The following MYOM3 variants were observed in gnomAD, a reference collection of about 807,000 sequenced individuals.
MYOM3 encodes myomesin 3.
In MYOM3, 155 loss-of-function variants were observed where a neutral mutation model predicts 191.7. The observed-to-expected ratio is 0.81, with a 90% CI of 0.71 to 0.92. MYOM3 has a LOEUF of 0.92. Ranked by LOEUF, MYOM3 falls within the 40% of genes least tolerant of loss-of-function variation. The probability of loss-of-function intolerance (pLI) is 0.00; values close to 1 mark genes in which losing one functional copy is unlikely to be tolerated. For missense variants in MYOM3, 1,889 were observed against 1,890.6 expected (o/e 1.00, Z 0.02); for synonymous variants, 757 against 762.9 (o/e 0.99, Z 0.13).
intron 10 of MYOM3, 24 bp from the exon 11 acceptor site, chr1:24,092,339 G>A (rs1270138677): frequency 1.0e-5 from 14 of 1,347,258 alleles, no homozygotes; most frequent in Non-Finnish European, 1.2e-5. Context: ...GTGAGAGGGA[G>A]GCCCTTCTAG....
Position 24,081,294 on chromosome 1 carries a change from GGCAGGCACTGGACTTCAGGCCT to G in MYOM3, c.2407+14_2407+35del. 1 of 1,610,226 alleles carries G rather than the reference GGCAGGCACTGGACTTCAGGCCT, an allele frequency of 6.2e-7. No homozygotes were observed. The highest frequency in any genetic ancestry group is 1.7e-5 in the Admixed American group (1 of 59,882). On this transcript the variant is annotated intron_variant, in intron 19 of 36. Transcript: ENST00000374434. ...TGGGTAGGTTTGGGAAGGAGGGAAG[GGCAGGCACTGGACTTCAGGCCT>G]GCAGGCCTCTCACCTGGCTGGGGCA...
rs760145286 is a variant in MYOM3, at chr1:24,068,205, A to G, written c.3295+18T>C. The G allele has an allele frequency of 3.7e-6, 6 of 1,612,192 alleles. No individual in the cohort carries two copies. The highest frequency in any genetic ancestry group is 2.2e-5 in the South Asian group (2 of 91,010). On this transcript the variant is annotated intron_variant, in intron 26 of 36. Transcript: ENST00000374434. ...GGGCGGGGCAGGGCTGGGCGGGGCG[A>G]GGCTGGGCATGGCTGACCGTCATCC...
rs776970741 is a variant in MYOM3 at position 24,057,362 on chromosome 1, T to C, written c.*2A>G. On this transcript the variant is annotated 3_prime_UTR_variant, in exon 37 of 37. Transcript: ENST00000374434. Reference sequence around the variant, plus strand: ...ACTCAGACTGTGCCTGGACACACGCTGTCACATGCTCTTCAGCTCCTTGGG... The same window carrying C: ...ACTCAGACTGTGCCTGGACACACGCCGTCACATGCTCTTCAGCTCCTTGGG... 1 of 1,612,092 alleles carries C rather than the reference T, an allele frequency of 6.2e-7. No homozygotes were observed. The highest frequency in any genetic ancestry group is 8.5e-7 in the Non-Finnish European group (1 of 1,179,166).
At position 24,095,002 on chromosome 1, in the gene MYOM3, A is replaced by G. The variant is rs2148557455; in HGVS notation, c.791-12T>C. ...GCCAAACGTCGATCCTGGCGTGGGA[A>G]TGAAATTTGGGGCAGAAGTTTTTGA... is the stretch of plus-strand genomic sequence containing the variant. On this transcript the variant is annotated splice_polypyrimidine_tract_variant and intron_variant, in intron 8 of 36. Coordinates refer to ENST00000374434, the MANE Select transcript of MYOM3 (RefSeq NM_152372.4). 1 of 1,609,710 alleles carries G rather than the reference A, an allele frequency of 6.2e-7. No homozygotes were observed. The highest frequency in any genetic ancestry group is 8.5e-7 in the Non-Finnish European group (1 of 1,177,924).
chr1:24,062,159 C>G, intron 32 of MYOM3, 50 bp from the exon 33 acceptor site: 1 of 1,601,298 alleles, frequency 6.2e-7, no homozygotes, highest in East Asian at 2.2e-5. Context: ...TGCAGGTCAA[C>G]AGATACCCGT....
At chr1:24,095,779 A>C (rs763263797) in intron 7 of MYOM3, among the ~76,000 whole-genome samples, 2 of 151,958 alleles carry the variant, frequency 1.3e-5, no homozygotes, top group Non-Finnish European at 2.9e-5. Context: ...CCCTACCCAA[A>C]CTTGCCCCCA....
rs372001214 is a variant in MYOM3 at position 24,105,971 on chromosome 1, G to A, written c.509C>T (p.Thr170Met). ...LRSHAVWEHT[T>M]VLLTCTVQAS... is the part of the protein sequence containing the mutation. ...CTGGACAGTGCAGGTCAGCAGGACC[G>A]TGGTGTGCTCCCAGACGGCGTGGGA... The change falls in exon 5 of 37, where the codon ACG (threonine) becomes ATG (methionine). Residue 170 changes from threonine (T) to methionine (M), a missense_variant. Transcript: ENST00000374434. The A allele has an allele frequency of 6.2e-6, 10 of 1,613,954 alleles. No homozygotes were observed. Among genetic ancestry groups the A allele is most frequent in the Admixed American group, 1.7e-5 (1 of 60,018 alleles).
chr1:24,089,468 C>T lies in MYOM3; in HGVS notation c.1614+70G>A, dbSNP rs778623245. On this transcript the variant is annotated intron_variant, in intron 14 of 36. Transcript: ENST00000374434. ...ATTCTCTGACGGCCTCCCCAGGGGA[C>T]ACTGCCCAGGGTCCCACAGCACATC... 2.0e-5 allele frequency: 30 copies of T among 1,502,128 alleles called. No homozygotes were observed. The Admixed American group carries it at 3.6e-4, about 18-fold the overall frequency. The allele number at this position is 1,502,128 out of a possible 1,614,324, so 93.0% of individuals were successfully genotyped here. A position where few individuals can be genotyped will look rare whatever the true frequency, so the allele number is the denominator to read the frequency against.
intron 6 of MYOM3, among the ~76,000 whole-genome samples, chr1:24,099,344 G>A (rs1277420119): frequency 6.6e-6 from 1 of 152,130 alleles, no homozygotes; most frequent in Non-Finnish European, 1.5e-5. Flanking sequence ...CCCCCACAAG[G>A]AGCCTTCCCA....
At chr1:24,067,270 T>C (rs1047809632) in intron 27 of MYOM3, among the ~76,000 whole-genome samples, 182 bp from the exon 28 acceptor site, 2 of 146,668 alleles carry the variant, frequency 1.4e-5, no homozygotes, top group African/African-American at 4.9e-5. Context: ...ATTTCTTTCT[T>C]TCTTTCTTCC....
In MYOM3 at chr1:24,107,237, C is replaced by T. The variant is rs138893877; in HGVS notation, c.243-5G>A. 3.0e-4 allele frequency: 472 copies of T among 1,593,112 alleles called. 2 individuals are homozygous for T. The African/African-American group carries it at 4.8e-3, about 16-fold the overall frequency. On this transcript the variant is annotated splice_region_variant and splice_polypyrimidine_tract_variant and intron_variant, in intron 3 of 36. Coordinates refer to ENST00000374434, the MANE Select transcript of MYOM3 (RefSeq NM_152372.4). ...TGGCGTCTCAGCTGGGCTTCCCTGCCGTGACAGAGGCCATCGGGGCTCAGG... is the reference window on the plus strand; with the variant it reads ...TGGCGTCTCAGCTGGGCTTCCCTGCTGTGACAGAGGCCATCGGGGCTCAGG...
intron 36 of MYOM3, 82 bp downstream of exon 36, chr1:24,058,842 C>T: frequency 9.7e-7 from 1 of 1,030,072 alleles, no homozygotes; most frequent in Non-Finnish European, 1.5e-6. Context: ...ATCCATGGTG[C>T]TGCATTGTTT....
At chr1:24,057,968 G>A (rs764029949) in intron 36 of MYOM3, among the ~76,000 whole-genome samples, 5 of 151,948 alleles carry the variant, frequency 3.3e-5, no homozygotes, top group Non-Finnish European at 2.9e-5. Flanking sequence ...CACCAAGCCC[G>A]GCTAATTTTT....
intron 2 of MYOM3, 90 bp from the exon 3 acceptor site, chr1:24,108,163 A>AGG: frequency 1.6e-6 from 2 of 1,262,128 alleles, no homozygotes; most frequent in Non-Finnish European, 1.1e-6. Flanking sequence ...CCTCAGCCTC[A>AGG]GGGCACCAGC....
In MYOM3 at chr1:24,075,445, T is replaced by G; in HGVS notation, c.2732A>C (p.Glu911Ala). ...AAAAGCCAAATAGATAAAGCCCTCT[T>G]CATCCACACCAACCTCGATCTCATG... ...GAHEIEVGVD[E>A]EGFIYLAFEA... Residue 911 changes from glutamate (E) to alanine (A), a missense_variant, in exon 22 of 37, where the codon GAA becomes GCA. Physicochemically the swap from Glu to Ala is moderately radical, Grantham distance 107. Transcript: ENST00000374434. The G allele has an allele frequency of 6.3e-7, 1 of 1,598,226 alleles. No homozygotes were observed. The highest frequency in any genetic ancestry group is 8.5e-7 in the Non-Finnish European group (1 of 1,174,214).
In MYOM3 at chr1:24,063,258, G is replaced by T. The variant is rs779891731; in HGVS notation, c.3662-24C>A. The T allele has an allele frequency of 1.9e-6, 3 of 1,591,464 alleles. No homozygotes were observed. The South Asian group carries it at 3.3e-5, about 18-fold the overall frequency. ...GGCTGGGGAGACAGAGGAGAAGGAT[G>T]AATCTTCCCTGAGGCCATTTAGGCA... On this transcript the variant is annotated intron_variant, in intron 31 of 36. Transcript: ENST00000374434. The surrounding 1 kb of genome is among the most constrained non-coding windows in gnomAD (Gnocchi z 4.5).
Position 24,071,233 on chromosome 1 carries a change from AGC to A in MYOM3, c.3032_3033del (p.Gly1011ValfsTer4). The A allele has an allele frequency of 1.2e-6, 2 of 1,613,558 alleles. No homozygotes were observed. The highest frequency in any genetic ancestry group is 1.7e-6 in the Non-Finnish European group (2 of 1,179,796). Reference protein sequence around the residue: ...IRNPVIKLISGWNIDILERGE... With the variant: ...IRNPVIKLISXWNIDILERGE... ...CCTCGCTCCAGGATGTCAATGTTCC[AGC>A]CGGAGATCAGTTTGATCACTGGGAG... On this transcript the variant is annotated frameshift_variant, in exon 25 of 37. Coordinates refer to ENST00000374434, the MANE Select transcript of MYOM3 (RefSeq NM_152372.4). LOFTEE classifies it high-confidence loss of function.
intron 24 of MYOM3, 104 bp downstream of exon 24, chr1:24,071,865 C>G (rs1274648365): frequency 2.5e-6 from 3 of 1,190,504 alleles, no homozygotes; most frequent in African/African-American, 1.5e-5. Flanking sequence ...CTCTGTCCCT[C>G]TGGGGTTGTT....
In MYOM3 at chr1:24,062,106, G is replaced by A. The variant is rs41302034; in HGVS notation, c.3774C>T (p.Asp1258=). The change falls in exon 33 of 37, where the codon GAC becomes GAT. Residue 1258 remains aspartate, a synonymous_variant. Coordinates refer to ENST00000374434, the MANE Select transcript of MYOM3 (RefSeq NM_152372.4). The stretch of plus-strand genomic sequence containing the variant: ...TCCGATCACCACTCTCCAGACGTTT[G>A]TCTCTGAATGTGAGGGTGGAGAAAT... The part of the protein sequence containing the change: ...EYMKTTWFHK[D]KRLESGDRIR... 160 of 1,614,040 alleles carry A rather than the reference G, an allele frequency of 9.9e-5. No homozygotes were observed. Among genetic ancestry groups the A allele is most frequent in the Non-Finnish European group, 1.3e-4 (156 of 1,179,986 alleles).
Sources: gnomAD v4.1 joint callset for allele counts (sites outside exome capture counted in the v4.1 genomes callset) on GRCh38, gnomAD v4.1.1 for gene constraint, Gnocchi (gnomAD v3.1) non-coding constraint, MANE v1.5 for transcripts, NCBI Gene and HGNC (gene_info 2026-07-23, HGNC 2026-07-21) for gene names.